The following FAM13A variants were observed in gnomAD, a reference collection of about 807,000 sequenced individuals.
FAM13A encodes protein FAM13A.
A neutral mutation model predicts 129.6 loss-of-function variants in FAM13A; 76 were observed. The ratio of observed to expected loss-of-function variants is 0.59; its 90% CI spans 0.49 to 0.71. The LOEUF is 0.71. Among genes scored for constraint, FAM13A ranks in the 30% least tolerant of loss-of-function variants. The probability of loss-of-function intolerance (pLI) is 0.00; values close to 1 mark genes in which losing one functional copy is unlikely to be tolerated. For synonymous variants in FAM13A, 443 were observed against 449.9 expected (o/e 0.98, Z 0.20); for missense variants, 1,108 against 1,249.3 (o/e 0.89, Z 1.70).
intron 6 of FAM13A, among the ~76,000 whole-genome samples, chr4:88,871,583 A>G (rs1376201658): frequency 2.6e-5 from 4 of 152,208 alleles, no homozygotes; most frequent in African/African-American, 7.2e-5. Context: ...AAGCGAGAAG[A>G]GAAGTTTAGA....
At chr4:88,860,761 G>A (rs1419997813) in intron 6 of FAM13A, among the ~76,000 whole-genome samples, 2 of 152,162 alleles carry the variant, frequency 1.3e-5, no homozygotes, top group Admixed American at 6.5e-5. Flanking sequence ...GGAATGTTTT[G>A]CACTCCTTTT....
intron 23 of FAM13A, 148 bp from the exon 24 acceptor site, chr4:88,728,807 T>C (rs1234621143): frequency 2.5e-6 from 2 of 804,506 alleles, no homozygotes; most frequent in Non-Finnish European, 3.9e-6. Context: ...GTCTCAAGAC[T>C]GGGGCTGGAT....
chr4:88,976,909 G>A (rs552671075), intron 4 of FAM13A, among the ~76,000 whole-genome samples: 1 of 152,168 alleles, frequency 6.6e-6, no homozygotes, highest in East Asian at 1.9e-4. Flanking sequence ...CAGTAACATG[G>A]TGTACAGCTG....
intron 10 of FAM13A, among the ~76,000 whole-genome samples, chr4:88,786,445 C>T (rs1723980751): frequency 6.6e-6 from 1 of 152,188 alleles, no homozygotes; most frequent in Non-Finnish European, 1.5e-5. Flanking sequence ...AGTACACAAA[C>T]TAATTATACT....
At position 88,938,100 on chromosome 4, in the gene FAM13A, A is replaced by T; in HGVS notation, c.747T>A (p.Leu249=). The T allele has an allele frequency of 6.2e-7, 1 of 1,613,112 alleles. No individual in the cohort carries two copies. Among genetic ancestry groups the T allele is most frequent in the Non-Finnish European group, 8.5e-7 (1 of 1,179,232 alleles). ...DHLRCENLAR[L]IIVKEVYYKN... Reference sequence around the variant, plus strand: ...CCAAGTTGCTTACTTTTACTATGATAAGCCTAGCCAGGTTTTCACATCTCA... The same window carrying T: ...CCAAGTTGCTTACTTTTACTATGATTAGCCTAGCCAGGTTTTCACATCTCA... Residue 249 remains leucine (L), a synonymous_variant, in exon 5 of 24, where the codon CTT becomes CTA. Coordinates refer to ENST00000264344, the MANE Select transcript of FAM13A (RefSeq NM_014883.4).
chr4:88,917,728 T>C (rs1487713989), intron 5 of FAM13A, among the ~76,000 whole-genome samples: 1 of 152,218 alleles, frequency 6.6e-6, no homozygotes, highest in African/African-American at 2.4e-5. Context: ...CTCTTTATGG[T>C]GCTGAAGTAG....
At chr4:88,959,317 T>A (rs879935236) in intron 4 of FAM13A, among the ~76,000 whole-genome samples, 2 of 152,202 alleles carry the variant, frequency 1.3e-5, no homozygotes, top group Non-Finnish European at 2.9e-5. Context: ...TATTGAAATG[T>A]AATCTCCAGT....
intron 4 of FAM13A, among the ~76,000 whole-genome samples, chr4:88,954,869 G>A (rs1757504338): frequency 6.7e-6 from 1 of 148,354 alleles, no homozygotes; most frequent in Admixed American, 6.8e-5. Context: ...CTGGGCGACA[G>A]AGCAAGACTT....
At chr4:88,799,577 C>G (rs1438170207) in intron 8 of FAM13A, among the ~76,000 whole-genome samples, 1 of 152,058 alleles carries the variant, frequency 6.6e-6, no homozygotes, top group East Asian at 1.9e-4. Flanking sequence ...CTCCACCTTC[C>G]GGGTTCAGGG....
intron 5 of FAM13A, among the ~76,000 whole-genome samples, chr4:88,909,018 T>C (rs1187057501): frequency 1.3e-5 from 2 of 152,354 alleles, no homozygotes; most frequent in Non-Finnish European, 2.9e-5. Flanking sequence ...TTAAAATATA[T>C]ATTATGCAGT....
chr4:88,902,497 AG>A (rs1747448599), intron 6 of FAM13A, among the ~76,000 whole-genome samples: 1 of 151,972 alleles, frequency 6.6e-6, no homozygotes, highest in African/African-American at 2.4e-5. Context: ...ACAGTACTAA[AG>A]AAAAAAAAAA....
At chr4:89,021,288 AG>A (rs1056011701) in intron 2 of FAM13A, among the ~76,000 whole-genome samples, 4 of 152,170 alleles carry the variant, frequency 2.6e-5, no homozygotes, top group Non-Finnish European at 5.9e-5. Context: ...AGCAACACAG[AG>A]GGGCTGGAGC....
chr4:88,922,677 C>T (rs1272386668), intron 5 of FAM13A, among the ~76,000 whole-genome samples: 1 of 152,000 alleles, frequency 6.6e-6, no homozygotes, highest in Non-Finnish European at 1.5e-5. Context: ...CAAAAGCTAG[C>T]AGAAGGCAAG....
intron 6 of FAM13A, among the ~76,000 whole-genome samples, chr4:88,904,321 T>C (rs1033624499): frequency 6.6e-6 from 1 of 152,194 alleles, no homozygotes; most frequent in Non-Finnish European, 1.5e-5. Flanking sequence ...TGCACATGTA[T>C]GTTCACTGCA....
intron 8 of FAM13A, among the ~76,000 whole-genome samples, chr4:88,804,247 C>T (rs111907990): frequency 5.9e-5 from 9 of 151,416 alleles, no homozygotes; most frequent in African/African-American, 1.2e-4. Context: ...AGTGAGATTC[C>T]GTCAAAAATA....
At chr4:88,837,052 T>C (rs1734937264) in intron 7 of FAM13A, among the ~76,000 whole-genome samples, 1 of 151,738 alleles carries the variant, frequency 6.6e-6, no homozygotes, top group South Asian at 2.1e-4. Context: ...TGGAGTGCAA[T>C]GGCACGATCT....
chr4:88,971,800 G>A (rs1374337007), intron 4 of FAM13A, among the ~76,000 whole-genome samples: 2 of 152,094 alleles, frequency 1.3e-5, no homozygotes, highest in Admixed American at 1.3e-4. Context: ...ATGAGCCACC[G>A]CTCCTGGAAC....
chr4:88,809,704 T>TA (rs1348757374), intron 7 of FAM13A, among the ~76,000 whole-genome samples: 5 of 152,108 alleles, frequency 3.3e-5, no homozygotes. Flanking sequence ...TCTCAAAACA[T>TA]AAAGTGCAAC....
chr4:88,776,195 T>C (rs1297336058), intron 11 of FAM13A, among the ~76,000 whole-genome samples: 1 of 152,238 alleles, frequency 6.6e-6, no homozygotes, highest in Non-Finnish European at 1.5e-5. Context: ...ACCACCATAA[T>C]GCAATCACAC....
Sources: gnomAD v4.1 joint callset for allele counts (sites outside exome capture counted in the v4.1 genomes callset) on GRCh38, gnomAD v4.1.1 for gene constraint, MANE v1.5 for transcripts, NCBI Gene and HGNC (gene_info 2026-07-23, HGNC 2026-07-21) for gene names.